FARP1: variants seen among roughly 807,000 people sequenced by gnomAD.
FARP1 encodes the protein FERM, ARHGEF and pleckstrin domain-containing protein 1.
A neutral mutation model predicts 128.8 loss-of-function variants in FARP1; 52 were observed. The observed-to-expected ratio is 0.40, with a 90% CI of 0.32 to 0.51. The LOEUF is 0.51. FARP1 is among the 20% of genes least tolerant of loss of function. FARP1 has a pLI of 0.45. For missense variants in FARP1, 1,333 were observed against 1,367.9 expected (o/e 0.97, Z 0.40); for synonymous variants, 580 against 551.8 (o/e 1.05, Z -0.72).
At chr13:98,338,418 C>T (rs549374027) in intron 2 of FARP1, 2 of 152,286 alleles carry the variant, frequency 1.3e-5, no homozygotes, top group East Asian at 3.9e-4. Context: ...AATATTTGTC[C>T]TTTGATGACT....
intron 2 of FARP1, among the ~76,000 whole-genome samples, chr13:98,238,197 A>G (rs1882547821): frequency 6.6e-6 from 1 of 152,228 alleles, no homozygotes; most frequent in South Asian, 2.1e-4. Context: ...AAAATCATAG[A>G]GGAGAAAGCA....
chr13:98,227,276 G>A (rs1326465099), intron 2 of FARP1, among the ~76,000 whole-genome samples: 1 of 151,994 alleles, frequency 6.6e-6, no homozygotes, highest in Non-Finnish European at 1.5e-5. Flanking sequence ...TGTTCATTCC[G>A]GCAAATGTCT....
At position 98,278,340 on chromosome 13, in the gene FARP1, AGT is replaced by A. The variant is rs1320246856; in HGVS notation, c.171+64931_171+64932del. On this transcript the variant is annotated intron_variant, in intron 2 of 26. Coordinates refer to ENST00000319562, the MANE Select transcript of FARP1 (RefSeq NM_005766.4). ...CTGCAAGTGTGTGTATATGTGTGTGAGTGTGAATGCGAGAGTATATTGTGTTT... is the reference window on the plus strand; with the variant it reads ...CTGCAAGTGTGTGTATATGTGTGTGAGTGAATGCGAGAGTATATTGTGTTT... Among the ~76,000 whole-genome samples the A allele has an allele frequency of 1.9e-4, 29 of 151,762 alleles. No homozygotes were observed. The South Asian group carries it at 3.3e-3, about 17-fold the overall frequency.
intron 2 of FARP1, among the ~76,000 whole-genome samples, chr13:98,222,744 C>T (rs969327915): frequency 1.3e-5 from 2 of 151,756 alleles, no homozygotes; most frequent in Non-Finnish European, 2.9e-5. Context: ...GCCTCAGCCT[C>T]CCCAGTAGGT....
At chr13:98,410,175 T>C (rs1275496174) in intron 14 of FARP1, among the ~76,000 whole-genome samples, 6 of 152,236 alleles carry the variant, frequency 3.9e-5, no homozygotes, top group African/African-American at 1.2e-4. Context: ...CTTGCACTTA[T>C]TGTTTAAAGA....
At chr13:98,440,893 A>C (rs1892497462) in intron 24 of FARP1, 57 bp downstream of exon 24, 3 of 1,516,342 alleles carry the variant, frequency 2.0e-6, no homozygotes, top group South Asian at 1.2e-5. Context: ...GGCAGAACCC[A>C]GGCAAACTTC....
rs661372 is a variant in FARP1 at position 98,311,180 on chromosome 13, G to C, written c.172-32582G>C. ...GCCCTGGTGGCCTAATGTATCTATTGTGATATTTTTCATGTTTACTGCAAA... is the reference window on the plus strand; with the variant it reads ...GCCCTGGTGGCCTAATGTATCTATTCTGATATTTTTCATGTTTACTGCAAA... On this transcript the variant is annotated intron_variant, in intron 2 of 26. Transcript: ENST00000319562. Among the ~76,000 whole-genome samples, 1,199 of 152,298 alleles carry C rather than the reference G, an allele frequency of 7.9e-3. 14 individuals are homozygous for C. Among genetic ancestry groups the C allele is most frequent in the African/African-American group, 0.027 (1,125 of 41,558 alleles).
intron 5 of FARP1, among the ~76,000 whole-genome samples, chr13:98,375,721 C>T (rs529482359): frequency 4.6e-5 from 7 of 152,196 alleles, no homozygotes; most frequent in Admixed American, 2.0e-4. Flanking sequence ...CTCCACCTCC[C>T]GGATTCAAGT....
intron 2 of FARP1, among the ~76,000 whole-genome samples, chr13:98,255,373 C>T (rs572348206): frequency 3.9e-5 from 6 of 152,122 alleles, no homozygotes; most frequent in Admixed American, 6.5e-5. Context: ...TGGTGGCAGG[C>T]GCCTGTAGTC....
intron 3 of FARP1, among the ~76,000 whole-genome samples, chr13:98,347,476 C>G (rs1259809816): frequency 2.0e-5 from 3 of 152,160 alleles, no homozygotes; most frequent in Admixed American, 2.0e-4. Context: ...GACACGTCAT[C>G]AAGTAAGTGG....
At chr13:98,155,376 G>A (rs1371404402) in intron 1 of FARP1, among the ~76,000 whole-genome samples, 1 of 149,630 alleles carries the variant, frequency 6.7e-6, no homozygotes, top group African/African-American at 2.4e-5. Context: ...AAGTCAACTG[G>A]GACTGTGGGG....
At chr13:98,174,330 G>A (rs371860860) in intron 1 of FARP1, among the ~76,000 whole-genome samples, 2 of 152,190 alleles carry the variant, frequency 1.3e-5, no homozygotes, top group Non-Finnish European at 2.9e-5. Context: ...CAAGGTTCAC[G>A]AGCGTAGCTG....
Position 98,199,170 on chromosome 13 carries a change from G to GTGA in FARP1, c.-23-14049_-23-14047dup, listed in dbSNP as rs537762531. On this transcript the variant is annotated intron_variant, in intron 1 of 26. Transcript: ENST00000319562. ...AGTAAATACCACTGGATGCACAAAC[G>GTGA]TGAGTCCTACCCACACCATGCCATC... Among the ~76,000 whole-genome samples the GTGA allele has an allele frequency of 1.1e-3, 161 of 151,808 alleles. 1 individual carries two copies. Among genetic ancestry groups the GTGA allele is most frequent in the Middle Eastern group, 3.4e-3 (1 of 294 alleles).
At chr13:98,343,940 T>G in intron 3 of FARP1, 74 bp downstream of exon 3, 5 of 944,082 alleles carry the variant, frequency 5.3e-6, no homozygotes, top group African/African-American at 3.3e-5. Flanking sequence ...GGGGCCAGTC[T>G]AAATGATTGT....
chr13:98,428,347 C>G (rs1216018328), intron 17 of FARP1, among the ~76,000 whole-genome samples: 1 of 152,176 alleles, frequency 6.6e-6, no homozygotes, highest in Non-Finnish European at 1.5e-5. Flanking sequence ...TCATTCCTTC[C>G]TGTATCGCCT....
At chr13:98,222,860 T>A (rs1239352889) in intron 2 of FARP1, among the ~76,000 whole-genome samples, 1 of 150,442 alleles carries the variant, frequency 6.6e-6, no homozygotes, top group African/African-American at 2.5e-5. Context: ...ATGGTCTTGG[T>A]CTCTTGACCT....
intron 2 of FARP1, among the ~76,000 whole-genome samples, chr13:98,249,985 TA>T (rs1883246069): frequency 6.6e-6 from 1 of 152,236 alleles, no homozygotes; most frequent in Non-Finnish European, 1.5e-5. Context: ...ACCTAATTTT[TA>T]AGTTTTCAAT....
chr13:98,442,540 T>C (rs145325136), intron 24 of FARP1, among the ~76,000 whole-genome samples: 22 of 152,272 alleles, frequency 1.4e-4, no homozygotes, highest in African/African-American at 5.1e-4. Flanking sequence ...CCCCTGAGTG[T>C]GCAGGTGTGA....
chr13:98,179,405 A>G (rs2046226159), intron 1 of FARP1, among the ~76,000 whole-genome samples: 1 of 152,180 alleles, frequency 6.6e-6, no homozygotes, highest in Admixed American at 6.5e-5. Context: ...GTGGGGACAT[A>G]GCCAAACCAT....
Sources: allele counts gnomAD v4.1 joint callset (sites outside exome capture counted in the v4.1 genomes callset), GRCh38; gene constraint gnomAD v4.1.1; transcripts MANE v1.5; gene names NCBI Gene and HGNC (gene_info 2026-07-23, HGNC 2026-07-21).